Variants in GALNTL6 observed in about 807,000 individuals in gnomAD.
GALNTL6 encodes polypeptide N-acetylgalactosaminyltransferase like 6.
In GALNTL6, 46 loss-of-function variants were observed where a neutral mutation model predicts 73.7. The ratio of observed to expected loss-of-function variants is 0.62; its 90% CI spans 0.49 to 0.80. The LOEUF is 0.80. GALNTL6 is among the 30% of genes least tolerant of loss of function. GALNTL6 has a pLI of 0.00. For missense variants in GALNTL6, 604 were observed against 755.0 expected (o/e 0.80, Z 2.34); for synonymous variants, 259 against 263.7 (o/e 0.98, Z 0.17).
intron 2 of GALNTL6, among the ~76,000 whole-genome samples, chr4:172,051,448 G>T (rs1341220133): frequency 6.6e-6 from 1 of 152,090 alleles, no homozygotes; most frequent in East Asian, 1.9e-4. Context: ...TTATTAAGTG[G>T]TTGCATTGGC....
At chr4:171,897,743 C>T (rs546292643) in intron 2 of GALNTL6, among the ~76,000 whole-genome samples, 69 of 151,446 alleles carry the variant, frequency 4.6e-4, no homozygotes, top group Non-Finnish European at 7.5e-4. Flanking sequence ...CTCCGCCTCC[C>T]GGTGAAACCG....
chr4:172,973,310 GA>G (rs1411680096), intron 10 of GALNTL6, among the ~76,000 whole-genome samples: 3 of 152,140 alleles, frequency 2.0e-5, no homozygotes, highest in Admixed American at 6.5e-5. Flanking sequence ...GACAAGCCAG[GA>G]AATCAAGAAC....
At chr4:172,898,467 C>T (rs919897310) in intron 8 of GALNTL6, among the ~76,000 whole-genome samples, 8 of 150,588 alleles carry the variant, frequency 5.3e-5, no homozygotes, top group Non-Finnish European at 8.9e-5. Context: ...AAAAAAAGAT[C>T]TCATAAAATA....
intron 2 of GALNTL6, among the ~76,000 whole-genome samples, chr4:171,870,133 G>A (rs1736096286): frequency 6.6e-6 from 1 of 152,144 alleles, no homozygotes; most frequent in Admixed American, 6.6e-5. Context: ...CTTCTTCACT[G>A]GAAGATGAGC....
rs1746145031 is a variant in GALNTL6 at position 172,893,344 on chromosome 4, G to GA, written c.1041+10437_1041+10438insA. 3.4e-5 allele frequency among the ~76,000 whole-genome samples: 4 copies of GA among 116,760 alleles called. No homozygotes were observed. In the South Asian group the frequency reaches 1.0e-3, roughly 29 times the overall value. The allele number at this position is 116,760 out of a possible 152,430, so 76.6% of individuals were successfully genotyped here. ...CACTCTTCTAAGTGTTCTGAGAGTG[G>GA]CGGGGGGGGGGTCTTCCCCTTCTCA... On this transcript the variant is annotated intron_variant, in intron 8 of 12. Coordinates refer to ENST00000506823, the MANE Select transcript of GALNTL6 (RefSeq NM_001034845.3).
chr4:172,014,231 A>G (rs80039827), intron 2 of GALNTL6, among the ~76,000 whole-genome samples: 4,713 of 152,054 alleles, frequency 0.031, 196 homozygotes, highest in African/African-American at 0.097. Context: ...TTTTGGGTAT[A>G]TGGTGAGCAG....
intron 10 of GALNTL6, among the ~76,000 whole-genome samples, chr4:172,960,605 G>T (rs1749997458): frequency 6.6e-6 from 1 of 152,144 alleles, no homozygotes; most frequent in African/African-American, 2.4e-5. Flanking sequence ...ATTGGGAACA[G>T]AGACTAGGGA....
Position 172,658,931 on chromosome 4 carries a change from C to G in GALNTL6, c.554-150430C>G, listed in dbSNP as rs185667870. On this transcript the variant is annotated intron_variant, in intron 5 of 12. Transcript: ENST00000506823. ...TTTCTTCACCTTAAAAAAAATCATG[C>G]TTAAAACTTGGTGATACCATGAAAT... Among the ~76,000 whole-genome samples the G allele has an allele frequency of 2.6e-5, 4 of 152,202 alleles. No homozygotes were observed. In the East Asian group the frequency reaches 7.7e-4, roughly 29 times the overall value.
intron 5 of GALNTL6, among the ~76,000 whole-genome samples, chr4:172,738,579 C>A (rs988400262): frequency 7.3e-6 from 1 of 137,310 alleles, no homozygotes; most frequent in Non-Finnish European, 1.6e-5. Flanking sequence ...TGATTATATA[C>A]AAAATATATT....
At chr4:172,523,805 T>A (rs139657872) in intron 5 of GALNTL6, among the ~76,000 whole-genome samples, 1 of 152,210 alleles carries the variant, frequency 6.6e-6, no homozygotes, top group Admixed American at 6.5e-5. Flanking sequence ...TAATGGGGTA[T>A]TTATTTTGCC....
intron 5 of GALNTL6, among the ~76,000 whole-genome samples, chr4:172,690,933 G>A (rs1280544957): frequency 1.3e-5 from 2 of 152,150 alleles, no homozygotes; most frequent in Admixed American, 6.5e-5. Flanking sequence ...TGTAGAGGGA[G>A]TATTGTAGAA....
chr4:172,830,831 T>C (rs1742585012), intron 7 of GALNTL6, among the ~76,000 whole-genome samples: 1 of 152,048 alleles, frequency 6.6e-6, no homozygotes, highest in African/African-American at 2.4e-5. Flanking sequence ...TGGAGATAAA[T>C]GTCTGGGGCC....
At chr4:171,952,467 A>G (rs144950298) in intron 2 of GALNTL6, among the ~76,000 whole-genome samples, 122 of 152,168 alleles carry the variant, frequency 8.0e-4, no homozygotes, top group Admixed American at 3.8e-3. Flanking sequence ...AATTAAATGC[A>G]AAAGCCTATA....
At chr4:172,852,366 T>G (rs1256162143) in intron 7 of GALNTL6, among the ~76,000 whole-genome samples, 1 of 151,996 alleles carries the variant, frequency 6.6e-6, no homozygotes, top group Non-Finnish European at 1.5e-5. Context: ...ATGTGGTAGA[T>G]CACATGGAAA....
chr4:171,991,888 C>T (rs1306894176), intron 2 of GALNTL6, among the ~76,000 whole-genome samples: 2 of 151,308 alleles, frequency 1.3e-5, no homozygotes, highest in Non-Finnish European at 3.0e-5. Flanking sequence ...AATCTTATGT[C>T]AATAAGTAAC....
chr4:172,368,412 A>G (rs1283175102), intron 5 of GALNTL6, among the ~76,000 whole-genome samples: 1 of 152,172 alleles, frequency 6.6e-6, no homozygotes, highest in Admixed American at 6.5e-5. Context: ...AAAAAACAAA[A>G]TAATAGTAGA....
At chr4:171,904,975 A>G (rs574246304) in intron 2 of GALNTL6, among the ~76,000 whole-genome samples, 36 of 152,334 alleles carry the variant, frequency 2.4e-4, no homozygotes, top group African/African-American at 8.4e-4. Context: ...GGCCTGCCCT[A>G]AAACAGCTCC....
chr4:172,145,365 C>A (rs1432423553), intron 2 of GALNTL6, among the ~76,000 whole-genome samples: 26 of 152,118 alleles, frequency 1.7e-4, no homozygotes, highest in Non-Finnish European at 1.5e-5. Context: ...GGGTCTCGAT[C>A]TCCTGACCTC....
intron 2 of GALNTL6, among the ~76,000 whole-genome samples, chr4:171,968,843 G>T (rs1372014772): frequency 1.4e-5 from 2 of 144,304 alleles, no homozygotes; most frequent in African/African-American, 2.8e-5. Flanking sequence ...GTGCGGGGTG[G>T]GGGGGGGGTT....
Sources: allele counts gnomAD v4.1 joint callset (sites outside exome capture counted in the v4.1 genomes callset), GRCh38; gene constraint gnomAD v4.1.1; transcripts MANE v1.5; gene names NCBI Gene and HGNC (gene_info 2026-07-23, HGNC 2026-07-21).